GUCY1A2: variants seen among roughly 807,000 people sequenced by gnomAD.
GUCY1A2 encodes the protein guanylate cyclase 1 soluble subunit alpha 2, also known as guanylate cyclase soluble subunit alpha-2.
Under a neutral mutation model 63.5 loss-of-function variants are expected in GUCY1A2, and 27 were observed. That is an observed-to-expected ratio of 0.43 (90% confidence interval 0.31 to 0.59). GUCY1A2 has a LOEUF of 0.59. Ranked by LOEUF, GUCY1A2 falls within the 20% of genes least tolerant of loss-of-function variation. The pLI, the probability that GUCY1A2 is intolerant of heterozygous loss-of-function variation, is 0.11. For synonymous variants in GUCY1A2, 364 were observed against 343.5 expected (o/e 1.06, Z -0.66); for missense variants, 768 against 913.3 (o/e 0.84, Z 2.05).
At position 106,918,175 on chromosome 11, in the gene GUCY1A2, G is replaced by C. The variant is rs549476805; in HGVS notation, c.1206+21285C>G. The stretch of plus-strand genomic sequence containing the variant: ...GCCTGCAGTTCACTAGTTCTCCTTG[G>C]GGGGCACTGTAAGGACTATCTGTTA... On this transcript the variant is annotated intron_variant, in intron 4 of 7. Coordinates refer to ENST00000526355, the MANE Select transcript of GUCY1A2 (RefSeq NM_000855.3). Among the ~76,000 whole-genome samples, 6 of 144,334 alleles carry C rather than the reference G, an allele frequency of 4.2e-5. 1 individual carries two copies. The highest frequency in any genetic ancestry group is 1.5e-4 in the African/African-American group (6 of 40,752). The allele number at this position is 144,334 out of a possible 152,430, so 94.7% of individuals were successfully genotyped here. A position where few individuals can be genotyped will look rare whatever the true frequency, so the allele number is the denominator to read the frequency against.
intron 4 of GUCY1A2, among the ~76,000 whole-genome samples, chr11:106,924,494 G>C (rs1212916038): frequency 6.6e-6 from 1 of 152,184 alleles, no homozygotes. Flanking sequence ...TTGTGGCACA[G>C]GCTCTATCTA....
chr11:106,749,072 T>A (rs1863840089), intron 6 of GUCY1A2, among the ~76,000 whole-genome samples: 1 of 152,086 alleles, frequency 6.6e-6, no homozygotes. Context: ...TTTGGATACA[T>A]AAATACTTAC....
intron 3 of GUCY1A2, among the ~76,000 whole-genome samples, chr11:106,958,452 C>A (rs1425776625): frequency 6.6e-6 from 1 of 152,176 alleles, no homozygotes; most frequent in African/African-American, 2.4e-5. Context: ...AATATACCCT[C>A]ATATACTAGG....
chr11:106,697,431 T>G (rs952641413), intron 7 of GUCY1A2, among the ~76,000 whole-genome samples: 104 of 152,332 alleles, frequency 6.8e-4, no homozygotes, highest in East Asian at 3.9e-4. Context: ...CCAAACATGC[T>G]GTATTTTATT....
intron 6 of GUCY1A2, among the ~76,000 whole-genome samples, chr11:106,754,122 G>A (rs1197030783): frequency 1.3e-5 from 2 of 152,148 alleles, no homozygotes; most frequent in Admixed American, 1.3e-4. Context: ...CAGCAATTGT[G>A]AATGGGAGTT....
intron 4 of GUCY1A2, among the ~76,000 whole-genome samples, chr11:106,929,220 A>G (rs569678550): frequency 1.2e-3 from 189 of 152,344 alleles, no homozygotes; most frequent in African/African-American, 4.3e-3. Context: ...TTTCTTATAA[A>G]GCACTCTTAC....
chr11:106,937,920 G>T (rs10789554), intron 4 of GUCY1A2, among the ~76,000 whole-genome samples: 92,497 of 151,906 alleles, frequency 0.61, 28,748 homozygotes, highest in Non-Finnish European at 0.68. Context: ...GAATAAATGT[G>T]CATCTTTCTA....
chr11:106,746,984 G>GT (rs964178897), intron 6 of GUCY1A2, among the ~76,000 whole-genome samples: 6 of 151,874 alleles, frequency 4.0e-5, no homozygotes, highest in East Asian at 3.9e-4. Flanking sequence ...AAAGATGTGG[G>GT]TTTTTTTTGT....
intron 4 of GUCY1A2, among the ~76,000 whole-genome samples, chr11:106,927,360 G>A (rs1380845253): frequency 5.3e-5 from 8 of 151,164 alleles, no homozygotes; most frequent in South Asian, 2.1e-4. Flanking sequence ...GCAACAGAGC[G>A]AGACTCCGTC....
chr11:106,783,973 G>A (rs886229705), intron 5 of GUCY1A2, among the ~76,000 whole-genome samples: 3 of 152,156 alleles, frequency 2.0e-5, no homozygotes, highest in African/African-American at 4.8e-5. Flanking sequence ...TGCAGGTACT[G>A]TCTCCAGCTC....
At chr11:106,740,350 C>G (rs1863672271) in intron 6 of GUCY1A2, among the ~76,000 whole-genome samples, 1 of 151,928 alleles carries the variant, frequency 6.6e-6, no homozygotes, top group South Asian at 2.1e-4. Context: ...GAAGTAGAAA[C>G]AGATGCTTTT....
chr11:106,761,455 T>C (rs901358143), intron 6 of GUCY1A2, among the ~76,000 whole-genome samples: 1 of 152,152 alleles, frequency 6.6e-6, no homozygotes, highest in Admixed American at 6.6e-5. Flanking sequence ...TGCAACGTTT[T>C]TTCAGACACC....
At chr11:106,751,323 C>T (rs1277260800) in intron 6 of GUCY1A2, among the ~76,000 whole-genome samples, 4 of 152,050 alleles carry the variant, frequency 2.6e-5, no homozygotes. Context: ...TAGAGTCTTG[C>T]CAGCTAAGGC....
At chr11:106,851,130 T>A (rs1254861856) in intron 4 of GUCY1A2, among the ~76,000 whole-genome samples, 2 of 152,050 alleles carry the variant, frequency 1.3e-5, no homozygotes, top group African/African-American at 4.8e-5. Flanking sequence ...TGGCCATTTG[T>A]ATGTCTCCCT....
intron 6 of GUCY1A2, among the ~76,000 whole-genome samples, chr11:106,772,829 T>C (rs1322507633): frequency 6.6e-6 from 1 of 152,194 alleles, no homozygotes; most frequent in Non-Finnish European, 1.5e-5. Context: ...ATTTAAGAAC[T>C]GATTAGTTCA....
intron 6 of GUCY1A2, among the ~76,000 whole-genome samples, chr11:106,708,999 C>A (rs966497560): frequency 1.3e-5 from 2 of 150,090 alleles, no homozygotes; most frequent in African/African-American, 4.9e-5. Context: ...ATATTTTTCT[C>A]CACTTTCTCC....
At chr11:106,710,319 AATATAG>A (rs1863090982) in intron 6 of GUCY1A2, among the ~76,000 whole-genome samples, 1 of 18,050 alleles carries the variant, frequency 5.5e-5, no homozygotes, top group African/African-American at 3.2e-4. Flanking sequence ...ACATGTATAT[AATATAG>A]TTATATATAT....
chr11:106,741,145 A>G (rs938813630), intron 6 of GUCY1A2, among the ~76,000 whole-genome samples: 1 of 152,238 alleles, frequency 6.6e-6, no homozygotes, highest in African/African-American at 2.4e-5. Flanking sequence ...TAAAAACAAA[A>G]AAGTCCAACT....
chr11:106,974,123 T>C (rs10749884), intron 3 of GUCY1A2, among the ~76,000 whole-genome samples: 135,718 of 152,024 alleles, frequency 0.89, 60,669 homozygotes, highest in East Asian at 1. Flanking sequence ...TATTTCCCCT[T>C]CAACCGCCTT....
Sources: allele counts gnomAD v4.1 joint callset (sites outside exome capture counted in the v4.1 genomes callset), GRCh38; gene constraint gnomAD v4.1.1; transcripts MANE v1.5; gene names NCBI Gene and HGNC (gene_info 2026-07-23, HGNC 2026-07-21).